The following TSHZ3 variants were observed in gnomAD, a reference collection of about 807,000 sequenced individuals.
TSHZ3 encodes the protein teashirt homolog 3.
Under a neutral mutation model 64.5 loss-of-function variants are expected in TSHZ3, and 10 were observed. The observed-to-expected ratio is 0.16, with a 90% CI of 0.10 to 0.26. The LOEUF (loss-of-function observed/expected upper bound fraction) is 0.26, where lower values mean the gene tolerates loss of function less well. Ranked by LOEUF, TSHZ3 falls within the 10% of genes least tolerant of loss-of-function variation. TSHZ3 has a pLI of 1.00. For missense variants in TSHZ3, 1,242 were observed against 1,421.7 expected (o/e 0.87, Z 2.03); for synonymous variants, 608 against 593.1 (o/e 1.03, Z -0.36).
chr19:31,150,281 T>C (rs1349831913), exon 7 of TSHZ3, among the ~76,000 whole-genome samples: 1 of 152,222 alleles, frequency 6.6e-6, no homozygotes, highest in African/African-American at 2.4e-5. Context: ...TCCCGGGCTC[T>C]TTCTGTCTTG....
intron 1 of TSHZ3, among the ~76,000 whole-genome samples, chr19:31,320,995 G>A (rs560161229): frequency 6.6e-6 from 1 of 152,186 alleles, no homozygotes; most frequent in African/African-American, 2.4e-5. Flanking sequence ...AAGATCCATC[G>A]TCCACAGAAG....
intron 5 of TSHZ3, among the ~76,000 whole-genome samples, chr19:31,204,490 T>A (rs1296305303): frequency 6.6e-6 from 1 of 152,168 alleles, no homozygotes; most frequent in Non-Finnish European, 1.5e-5. Flanking sequence ...GTTAAAATTA[T>A]GTAAATTAAA....
chr19:31,324,845 T>C (rs2145172551), intron 1 of TSHZ3, among the ~76,000 whole-genome samples: 1 of 152,298 alleles, frequency 6.6e-6, no homozygotes, highest in Non-Finnish European at 1.5e-5. Context: ...ATTTTTTCAA[T>C]TCCGTAAGTG....
chr19:31,252,989 C>T (rs1380015637), intron 1 of TSHZ3, among the ~76,000 whole-genome samples: 2 of 152,120 alleles, frequency 1.3e-5, no homozygotes, highest in Non-Finnish European at 2.9e-5. Flanking sequence ...TAGACAAGTG[C>T]TGAAAATATT....
intron 1 of TSHZ3, among the ~76,000 whole-genome samples, chr19:31,295,774 TTAA>T (rs904246219): frequency 6.6e-6 from 1 of 151,740 alleles, no homozygotes; most frequent in Non-Finnish European, 1.5e-5. Context: ...AAAAGGTTCT[TTAA>T]TAATAATTTC....
intron 1 of TSHZ3, among the ~76,000 whole-genome samples, chr19:31,306,460 T>C (rs971933859): frequency 6.6e-6 from 1 of 152,208 alleles, no homozygotes; most frequent in South Asian, 2.1e-4. Context: ...GTAAAACTTT[T>C]AAGAGCCAAG....
rs760494000 is a variant in TSHZ3, at chr19:31,279,523, G to C, written c.270C>G (p.Ser90Arg). 6.2e-7 allele frequency: 1 copy of C among 1,611,502 alleles called. No homozygotes were observed. Among genetic ancestry groups the C allele is most frequent in the Non-Finnish European group, 8.5e-7 (1 of 1,178,110 alleles). The change falls in exon 2 of 2, where the codon AGC becomes AGG. Residue 90 changes from serine to arginine, a missense_variant. By Grantham distance (110) the Ser-to-Arg change is moderately radical. This residue lies in a region of TSHZ3 where 555 missense variants were observed against 704.0 expected (regional missense o/e 0.79). Coordinates refer to ENST00000240587, the MANE Select transcript of TSHZ3 (RefSeq NM_020856.4). The surrounding 1 kb of genome is among the most constrained non-coding windows in gnomAD (Gnocchi z 6.4). ...TCTCCTCTTCGTTCTTGATGGAGCC[G>C]CTTTCAAAGTCAGCCATTCGGTCAC... Reference protein sequence around the residue: ...ETSDRMADFESGSIKNEEETK... With the variant: ...ETSDRMADFERGSIKNEEETK...
chr19:31,308,492 T>C (rs1916360822), intron 1 of TSHZ3: 1 of 377,422 alleles, frequency 2.6e-6, no homozygotes, highest in African/African-American at 2.1e-5. Context: ...GGTCCAATTG[T>C]TTGTCATCGT....
intron 1 of TSHZ3, among the ~76,000 whole-genome samples, chr19:31,251,597 C>T (rs1599605205): frequency 6.6e-6 from 1 of 152,252 alleles, no homozygotes; most frequent in East Asian, 1.9e-4. Flanking sequence ...TGTTCTAGCC[C>T]CACCCTCTCC....
chr19:31,290,380 A>T (rs1358575269), intron 1 of TSHZ3, among the ~76,000 whole-genome samples: 1 of 152,058 alleles, frequency 6.6e-6, no homozygotes, highest in Admixed American at 6.5e-5. Flanking sequence ...TTTTTGTGCA[A>T]ACAGAGAGAG....
chr19:31,287,389 C>G (rs955830910), intron 1 of TSHZ3, among the ~76,000 whole-genome samples: 4 of 152,176 alleles, frequency 2.6e-5, no homozygotes, highest in Non-Finnish European at 5.9e-5. Flanking sequence ...AAGAACACCC[C>G]TCTTTGCAAT....
chr19:31,197,653 A>C (rs981723449), intron 5 of TSHZ3, among the ~76,000 whole-genome samples: 3 of 151,960 alleles, frequency 2.0e-5, no homozygotes, highest in Non-Finnish European at 4.4e-5. Context: ...CATTCAAAGC[A>C]TAATAAAGAA....
intron 5 of TSHZ3, among the ~76,000 whole-genome samples, chr19:31,169,379 G>T (rs905937356): frequency 6.6e-6 from 1 of 152,120 alleles, no homozygotes; most frequent in Admixed American, 6.5e-5. Context: ...AGTGTTCATT[G>T]GTAGATGAAT....
At chr19:31,206,460 A>G (rs1975178787) in intron 4 of TSHZ3, among the ~76,000 whole-genome samples, 1 of 152,186 alleles carries the variant, frequency 6.6e-6, no homozygotes, top group South Asian at 2.1e-4. Flanking sequence ...CACCAAAAGC[A>G]TGTTTTATTT....
At position 31,279,698 on chromosome 19, in the gene TSHZ3, G is replaced by A; in HGVS notation, c.95C>T (p.Pro32Leu). ...AAALVDEGLD[P>L]EEHTADGEPS... Reference sequence around the variant, plus strand: ...CTCTCCATCTGCCGTATGCTCCTCTGGGTCTAAACCTTCGTCCACCAGGGC... The same window carrying A: ...CTCTCCATCTGCCGTATGCTCCTCTAGGTCTAAACCTTCGTCCACCAGGGC... Residue 32 changes from proline to leucine, a missense_variant, in exon 2 of 2, where the codon CCA (proline) becomes CTA (leucine). This residue lies in a region of TSHZ3 where 555 missense variants were observed against 704.0 expected (regional missense o/e 0.79). Coordinates refer to ENST00000240587, the MANE Select transcript of TSHZ3 (RefSeq NM_020856.4). The surrounding 1 kb of genome is among the most constrained non-coding windows in gnomAD (Gnocchi z 6.4). 1 of 1,551,818 alleles carries A rather than the reference G, an allele frequency of 6.4e-7. No homozygotes were observed. The highest frequency in any genetic ancestry group is 8.7e-7 in the Non-Finnish European group (1 of 1,148,592).
chr19:31,256,296 A>T (rs778501782), intron 1 of TSHZ3, among the ~76,000 whole-genome samples: 5 of 152,098 alleles, frequency 3.3e-5, no homozygotes, highest in Non-Finnish European at 5.9e-5. Flanking sequence ...ATCTCATTAG[A>T]ATCCAACACA....
chr19:31,255,353 G>A (rs1975896011), intron 1 of TSHZ3, among the ~76,000 whole-genome samples: 1 of 152,102 alleles, frequency 6.6e-6, no homozygotes, highest in Admixed American at 6.5e-5. Context: ...AGGCAGCCTG[G>A]ATGCTCCAGA....
intron 5 of TSHZ3, among the ~76,000 whole-genome samples, chr19:31,175,159 C>T (rs1284960181): frequency 6.6e-6 from 1 of 152,180 alleles, no homozygotes; most frequent in Non-Finnish European, 1.5e-5. Flanking sequence ...CAAGGCTGCC[C>T]CAAGAGGCCC....
intron 1 of TSHZ3, among the ~76,000 whole-genome samples, chr19:31,301,610 C>T (rs993546898): frequency 3.3e-5 from 5 of 152,164 alleles, no homozygotes; most frequent in African/African-American, 1.2e-4. Flanking sequence ...GCAGGAGACA[C>T]CCCGGCAAAG....
Sources: allele counts gnomAD v4.1 joint callset (sites outside exome capture counted in the v4.1 genomes callset), GRCh38; gene constraint gnomAD v4.1.1; regional missense constraint gnomAD v4.1.1; non-coding constraint Gnocchi (gnomAD v3.1); transcripts MANE v1.5; gene names NCBI Gene and HGNC (gene_info 2026-07-23, HGNC 2026-07-21).